Variants in ALPK2 observed in about 807,000 individuals in gnomAD.
The protein encoded by ALPK2 is alpha kinase 2, also known as alpha-protein kinase 2.
Under a neutral mutation model 163.1 loss-of-function variants are expected in ALPK2, and 127 were observed. The observed-to-expected ratio is 0.78, with a 90% CI of 0.67 to 0.90. The LOEUF is 0.90. Ranked by LOEUF, ALPK2 falls within the 40% of genes least tolerant of loss-of-function variation. The pLI, the probability that ALPK2 is intolerant of heterozygous loss-of-function variation, is 0.00. For missense variants in ALPK2, 2,360 were observed against 2,589.6 expected (o/e 0.91, Z 1.92); for synonymous variants, 953 against 959.1 (o/e 0.99, Z 0.12).
At chr18:58,543,226 A>G in intron 4 of ALPK2, 1 of 419,176 alleles carries the variant, frequency 2.4e-6, no homozygotes, top group Non-Finnish European at 3.2e-6. Flanking sequence ...CACAAGATGC[A>G]GGCCCTCTGC....
At chr18:58,505,051 C>T (rs7240339) in intron 10 of ALPK2, among the ~76,000 whole-genome samples, 59,399 of 151,540 alleles carry the variant, frequency 0.39, 12,341 homozygotes, top group South Asian at 0.47. Flanking sequence ...AAAACTTTCC[C>T]CTTTGTACTG....
chr18:58,603,997 G>T (rs1397976937), intron 3 of ALPK2, among the ~76,000 whole-genome samples: 3 of 152,162 alleles, frequency 2.0e-5, no homozygotes, highest in African/African-American at 7.2e-5. Context: ...TGCCTGAAGT[G>T]CCCAGGTTCA....
intron 12 of ALPK2, among the ~76,000 whole-genome samples, chr18:58,488,085 A>G (rs1292587249): frequency 9.3e-6 from 1 of 106,984 alleles, no homozygotes; most frequent in African/African-American, 3.6e-5. Context: ...TTTGAGCAAC[A>G]AGGAGATAAA....
chr18:58,624,116 T>C (rs2052216433), intron 1 of ALPK2, among the ~76,000 whole-genome samples: 1 of 152,192 alleles, frequency 6.6e-6, no homozygotes, highest in African/African-American at 2.4e-5. Flanking sequence ...GTCTAAACTG[T>C]GGTGCTCTTG....
At chr18:58,618,191 A>G (rs892064933) in intron 1 of ALPK2, among the ~76,000 whole-genome samples, 5 of 152,164 alleles carry the variant, frequency 3.3e-5, no homozygotes, top group African/African-American at 1.2e-4. Flanking sequence ...GATCACAGGC[A>G]CAAGCCACCA....
chr18:58,585,634 A>G (rs2051981858), intron 3 of ALPK2, among the ~76,000 whole-genome samples: 1 of 151,342 alleles, frequency 6.6e-6, no homozygotes, highest in Non-Finnish European at 1.5e-5. Context: ...AAACCACATC[A>G]GTGAACTTTC....
intron 10 of ALPK2, among the ~76,000 whole-genome samples, chr18:58,507,615 T>C (rs2051468387): frequency 6.6e-6 from 1 of 152,102 alleles, no homozygotes; most frequent in Admixed American, 6.5e-5. Flanking sequence ...TCTTTCACAA[T>C]AGGAAGGAAA....
intron 4 of ALPK2, among the ~76,000 whole-genome samples, chr18:58,556,638 A>G (rs549287807): frequency 2.6e-5 from 4 of 152,334 alleles, no homozygotes; most frequent in East Asian, 1.9e-4. Flanking sequence ...CTAAGCCCTC[A>G]TTATACCAAG....
chr18:58,508,183 C>T (rs2051471118), intron 10 of ALPK2, among the ~76,000 whole-genome samples: 1 of 152,142 alleles, frequency 6.6e-6, no homozygotes. Flanking sequence ...AATAAACAAT[C>T]CCTATTTCCT....
chr18:58,596,408 C>G (rs2052041445), intron 3 of ALPK2, among the ~76,000 whole-genome samples: 1 of 152,234 alleles, frequency 6.6e-6, no homozygotes, highest in South Asian at 2.1e-4. Flanking sequence ...GCAGGGCACC[C>G]TGCACAGGGC....
At chr18:58,503,875 A>G in intron 11 of ALPK2, 56 bp downstream of exon 11, 2 of 1,521,466 alleles carry the variant, frequency 1.3e-6, no homozygotes, top group Non-Finnish European at 1.8e-6. Context: ...CTCCACCCAC[A>G]GGAACATCTC....
In ALPK2 at chr18:58,537,803, G is replaced by A; in HGVS notation, c.2384C>T (p.Pro795Leu). Residue 795 changes from proline (P) to leucine (L), a missense_variant, in exon 5 of 13, where the codon CCA becomes CTA. Transcript: ENST00000361673. ...ALTLENVCDE[P>L]RDREAVCAME... ...TGCACACACTGCTTCTCTGTCCCTT[G>A]GCTCATCACACACATTTTCCAGGGT... 1 of 1,614,076 alleles carries A rather than the reference G, an allele frequency of 6.2e-7. No homozygotes were observed. Among genetic ancestry groups the A allele is most frequent in the Non-Finnish European group, 8.5e-7 (1 of 1,180,008 alleles).
At chr18:58,590,777 A>T (rs1465859946) in intron 3 of ALPK2, among the ~76,000 whole-genome samples, 1 of 152,192 alleles carries the variant, frequency 6.6e-6, no homozygotes, top group African/African-American at 2.4e-5. Context: ...TACATTTACC[A>T]ATTTATTCAG....
intron 12 of ALPK2, among the ~76,000 whole-genome samples, chr18:58,496,083 C>T (rs1482769640): frequency 2.0e-5 from 3 of 152,100 alleles, no homozygotes; most frequent in Non-Finnish European, 4.4e-5. Context: ...AATGCTAAAG[C>T]GTATGGGATG....
At chr18:58,591,273 C>T (rs1269069239) in intron 3 of ALPK2, among the ~76,000 whole-genome samples, 5 of 152,182 alleles carry the variant, frequency 3.3e-5, no homozygotes, top group African/African-American at 9.7e-5. Context: ...AACTATCTTA[C>T]AGATGTTGGA....
At chr18:58,622,229 C>T (rs1448283163) in intron 1 of ALPK2, among the ~76,000 whole-genome samples, 3 of 152,204 alleles carry the variant, frequency 2.0e-5, no homozygotes, top group South Asian at 2.1e-4. Context: ...CACCTGTAAT[C>T]CCAGCCACTT....
At chr18:58,611,873 T>C in intron 1 of ALPK2, 56 bp from the exon 2 acceptor site, 1 of 1,144,772 alleles carries the variant, frequency 8.7e-7, no homozygotes, top group Non-Finnish European at 1.2e-6. Flanking sequence ...TCTCTGGCCT[T>C]CTTAGGAATT....
rs2051624094 is a variant in ALPK2 at position 58,533,006 on chromosome 18, G to T, written c.5353+1828C>A. On this transcript the variant is annotated intron_variant, in intron 5 of 12. Coordinates refer to ENST00000361673, the MANE Select transcript of ALPK2 (RefSeq NM_052947.4). ...CTTAATGGCCTCTGTGTTGTGGGTG[G>T]CATGAGTAACAACCCTTCAGTGGTC... 2.0e-5 allele frequency among the ~76,000 whole-genome samples: 3 copies of T among 152,286 alleles called. No homozygotes were observed. The South Asian group carries it at 6.2e-4, about 32-fold the overall frequency.
intron 12 of ALPK2, among the ~76,000 whole-genome samples, chr18:58,491,600 G>A (rs754922333): frequency 1.1e-4 from 17 of 152,098 alleles, no homozygotes; most frequent in African/African-American, 2.7e-4. Context: ...GACTCCCTAC[G>A]ATTTCGTCTC....
Sources: gnomAD v4.1 joint callset for allele counts (sites outside exome capture counted in the v4.1 genomes callset) on GRCh38, gnomAD v4.1.1 for gene constraint, MANE v1.5 for transcripts, NCBI Gene and HGNC (gene_info 2026-07-23, HGNC 2026-07-21) for gene names.